RAPGEF4: variants seen among roughly 807,000 people sequenced by gnomAD.
RAPGEF4 encodes Rap guanine nucleotide exchange factor 4.
In RAPGEF4, 66 loss-of-function variants were observed where a neutral mutation model predicts 147.9. The observed-to-expected ratio is 0.45, with a 90% CI of 0.37 to 0.55. The LOEUF (loss-of-function observed/expected upper bound fraction) is 0.55, where lower values mean the gene tolerates loss of function less well. Among genes scored for constraint, RAPGEF4 ranks in the 20% least tolerant of loss-of-function variants. The probability of loss-of-function intolerance (pLI) is 0.00; values close to 1 mark genes in which losing one functional copy is unlikely to be tolerated. For missense variants in RAPGEF4, 1,071 were observed against 1,257.3 expected, an observed-to-expected ratio of 0.85 and a Z score of 2.24; for synonymous variants, 419 against 442.7, an observed-to-expected ratio of 0.95 and a Z score of 0.67.
At chr2:172,860,004 G>C (rs1693848285) in intron 4 of RAPGEF4, 1 of 984,580 alleles carries the variant, frequency 1.0e-6, no homozygotes. Flanking sequence ...GGAGGGGTGG[G>C]GGACAACAAC....
chr2:172,899,235 T>C (rs1324937902), intron 4 of RAPGEF4, among the ~76,000 whole-genome samples: 10 of 152,234 alleles, frequency 6.6e-5, no homozygotes, highest in Non-Finnish European at 1.5e-5. Flanking sequence ...TTTTTCTTCT[T>C]CTAGTACTAT....
At chr2:172,762,431 C>T (rs763241454) in intron 1 of RAPGEF4, among the ~76,000 whole-genome samples, 2 of 152,112 alleles carry the variant, frequency 1.3e-5, no homozygotes, top group Non-Finnish European at 2.9e-5. Context: ...TTATGGAGTC[C>T]CAAAAGTGGT....
chr2:172,844,995 G>T (rs1692013259), intron 4 of RAPGEF4, among the ~76,000 whole-genome samples: 1 of 152,148 alleles, frequency 6.6e-6, no homozygotes, highest in Non-Finnish European at 1.5e-5. Flanking sequence ...ATATACAAAT[G>T]GAATCCATCT....
chr2:173,050,286 G>C (rs1686029192), intron 30 of RAPGEF4, among the ~76,000 whole-genome samples: 1 of 152,210 alleles, frequency 6.6e-6, no homozygotes. Context: ...TACGTGTAGA[G>C]TACACTGCCA....
At chr2:172,905,228 C>T (rs750078755) in intron 4 of RAPGEF4, among the ~76,000 whole-genome samples, 3 of 152,012 alleles carry the variant, frequency 2.0e-5, no homozygotes, top group East Asian at 3.9e-4. Context: ...TTTTCCTTTC[C>T]GGCATCTAGC....
intron 1 of RAPGEF4, among the ~76,000 whole-genome samples, chr2:172,780,462 A>G (rs1368083564): frequency 6.6e-6 from 1 of 152,212 alleles, no homozygotes; most frequent in Non-Finnish European, 1.5e-5. Context: ...CCAGGCTGAT[A>G]AAGATCTAAA....
intron 1 of RAPGEF4, among the ~76,000 whole-genome samples, chr2:172,771,713 A>G (rs1392612123): frequency 6.6e-6 from 1 of 152,060 alleles, no homozygotes; most frequent in Non-Finnish European, 1.5e-5. Flanking sequence ...CTGAGTAGCT[A>G]GTATTACAGA....
At chr2:172,808,332 C>T (rs1210508179) in intron 3 of RAPGEF4, among the ~76,000 whole-genome samples, 2 of 152,192 alleles carry the variant, frequency 1.3e-5, no homozygotes, top group East Asian at 1.9e-4. Context: ...CTTTGATTTA[C>T]AGCACGGTTT....
At chr2:173,045,814 C>T (rs1012356687) in intron 29 of RAPGEF4, among the ~76,000 whole-genome samples, 3 of 152,194 alleles carry the variant, frequency 2.0e-5, no homozygotes, top group African/African-American at 7.2e-5. Context: ...TGTTTATAGG[C>T]AGGCTGTAGA....
At chr2:172,913,789 A>G (rs1414440053) in intron 4 of RAPGEF4, among the ~76,000 whole-genome samples, 1 of 152,224 alleles carries the variant, frequency 6.6e-6, no homozygotes, top group African/African-American at 2.4e-5. Flanking sequence ...AGAGAAGAAC[A>G]TCAACCGTTC....
chr2:173,026,139 G>T lies in RAPGEF4; in HGVS notation c.2254-433G>T, dbSNP rs141226269. On this transcript the variant is annotated intron_variant, in intron 23 of 30. Transcript: ENST00000397081. ...GTGTTACCATGGCCACCGGCAGCAG[G>T]AAGTAGCACTGTGGATGAACGTCCC... Among the ~76,000 whole-genome samples, 337 of 152,312 alleles carry T rather than the reference G, an allele frequency of 2.2e-3. 1 individual carries two copies. The highest frequency in any genetic ancestry group is 0.021 in the Middle Eastern group (6 of 292).
At chr2:172,746,652 G>A (rs951597145) in intron 1 of RAPGEF4, among the ~76,000 whole-genome samples, 4 of 150,406 alleles carry the variant, frequency 2.7e-5, no homozygotes, top group East Asian at 2.0e-4. Flanking sequence ...TTACTCTGTC[G>A]CCCAGGCTGG....
intron 4 of RAPGEF4, among the ~76,000 whole-genome samples, chr2:172,843,597 A>G (rs899808178): frequency 1.3e-5 from 2 of 152,232 alleles, no homozygotes; most frequent in Non-Finnish European, 2.9e-5. Flanking sequence ...CAAAAGATGA[A>G]AAGTTCTTGT....
intron 4 of RAPGEF4, among the ~76,000 whole-genome samples, chr2:172,829,710 A>G (rs1294643677): frequency 4.0e-5 from 6 of 151,838 alleles, no homozygotes; most frequent in Non-Finnish European, 8.8e-5. Flanking sequence ...AAAGAGCTCT[A>G]AGTTTGTTTA....
At chr2:172,899,906 G>A (rs1016413949) in intron 4 of RAPGEF4, among the ~76,000 whole-genome samples, 2 of 152,154 alleles carry the variant, frequency 1.3e-5, no homozygotes, top group Non-Finnish European at 2.9e-5. Context: ...GCTTATCAAG[G>A]AAAAAGGCCA....
At chr2:172,965,715 C>G in intron 9 of RAPGEF4, 32 bp downstream of exon 9, 1 of 1,613,732 alleles carries the variant, frequency 6.2e-7, no homozygotes, top group East Asian at 2.2e-5. Flanking sequence ...GGAAACCTCT[C>G]AAGAAATGCT....
chr2:172,773,219 C>A (rs2042562), intron 1 of RAPGEF4, among the ~76,000 whole-genome samples: 133,723 of 152,178 alleles, frequency 0.88, 60,728 homozygotes, highest in Non-Finnish European at 0.99. Context: ...GTGTTGTAAA[C>A]AAATAATCAT....
intron 4 of RAPGEF4, among the ~76,000 whole-genome samples, chr2:172,895,453 CAT>C (rs1698376657): frequency 6.6e-6 from 1 of 152,194 alleles, no homozygotes; most frequent in South Asian, 2.1e-4. Context: ...AGATCATAGA[CAT>C]ACACTTTCCC....
chr2:172,775,571 G>T (rs984413992), intron 1 of RAPGEF4, among the ~76,000 whole-genome samples: 3 of 152,152 alleles, frequency 2.0e-5, no homozygotes, highest in African/African-American at 7.2e-5. Context: ...GACTGCTCTT[G>T]CCATTTTCCA....
Sources: gnomAD v4.1 joint callset for allele counts (sites outside exome capture counted in the v4.1 genomes callset) on GRCh38, gnomAD v4.1.1 for gene constraint, MANE v1.5 for transcripts, NCBI Gene and HGNC (gene_info 2026-07-23, HGNC 2026-07-21) for gene names.